NTSR1: variants seen among roughly 807,000 people sequenced by gnomAD.
The protein encoded by NTSR1 is neurotensin receptor 1.
In NTSR1, 29 loss-of-function variants were observed where a neutral mutation model predicts 31.2. The ratio of observed to expected loss-of-function variants is 0.93; its 90% CI spans 0.69 to 1.27. The LOEUF (loss-of-function observed/expected upper bound fraction) is 1.27. Ranked by LOEUF, NTSR1 falls within the 50% of genes most tolerant of loss-of-function variation. The probability of loss-of-function intolerance (pLI) is 0.00; values close to 1 mark genes in which losing one functional copy is unlikely to be tolerated. For synonymous variants in NTSR1, 282 were observed against 269.9 expected (o/e 1.04, Z -0.44); for missense variants, 697 against 595.4 (o/e 1.17, Z -1.78).
At position 62,758,451 on chromosome 20, in the gene NTSR1, AGG is replaced by A; in HGVS notation, c.1007+97_1007+98del. ...CAGGCACTGCTGAGGGGATCCACTC[AGG>A]GCAGGGGTGTGGTGAGTCCCCCGGC... On this transcript the variant is annotated intron_variant, in intron 3 of 3. Transcript: ENST00000370501. This position sits in a 1 kb window ranked among gnomAD's most constrained non-coding sequence, Gnocchi z 4.5. 2 of 1,160,502 alleles carry A rather than the reference AGG, an allele frequency of 1.7e-6. No individual in the cohort carries two copies. Among genetic ancestry groups the A allele is most frequent in the Non-Finnish European group, 2.5e-6 (2 of 791,280 alleles). 71.9% of individuals were successfully genotyped at this position (1,160,502 alleles called of 1,614,324 possible).
Position 62,719,966 on chromosome 20 carries a change from C to T in NTSR1, c.714+10045C>T, listed in dbSNP as rs572591717. Among the ~76,000 whole-genome samples, 57 of 152,248 alleles carry T rather than the reference C, an allele frequency of 3.7e-4. No homozygotes were observed. In the South Asian group the frequency reaches 6.6e-3, roughly 18 times the overall value. On this transcript the variant is annotated intron_variant, in intron 1 of 3. Transcript: ENST00000370501. Reference sequence around the variant, plus strand: ...TGGTAGATTGTCCAGCAAAACCATCCGGGCCTGGAGTTTTGTAGGAAGGTT... The same window carrying T: ...TGGTAGATTGTCCAGCAAAACCATCTGGGCCTGGAGTTTTGTAGGAAGGTT...
rs976838063 is a variant in NTSR1 at position 62,715,081 on chromosome 20, G to A, written c.714+5160G>A. 6.6e-6 allele frequency among the ~76,000 whole-genome samples: 1 copy of A among 152,206 alleles called. No homozygotes were observed. Among genetic ancestry groups the A allele is most frequent in the Non-Finnish European group, 1.5e-5 (1 of 68,046 alleles). Reference sequence around the variant, plus strand: ...TCTTAAGTCTGTAATCATGGAAAGTGAGTGTTGATGACATTTTTGGCATGT... The same window carrying A: ...TCTTAAGTCTGTAATCATGGAAAGTAAGTGTTGATGACATTTTTGGCATGT... On this transcript the variant is annotated intron_variant, in intron 1 of 3. Coordinates refer to ENST00000370501, the MANE Select transcript of NTSR1 (RefSeq NM_002531.3). The surrounding 1 kb of genome is among the most constrained non-coding windows in gnomAD (Gnocchi z 4.7).
intron 1 of NTSR1, among the ~76,000 whole-genome samples, chr20:62,746,908 CT>C (rs1297307932): frequency 6.6e-6 from 1 of 152,208 alleles, no homozygotes; most frequent in Non-Finnish European, 1.5e-5. Context: ...CACTTTCTAA[CT>C]CATCTTACAA....
chr20:62,756,630 C>G (rs891285556), intron 2 of NTSR1: 2 of 152,296 alleles, frequency 1.3e-5, no homozygotes, highest in African/African-American at 4.8e-5. Context: ...GGGCTTTGGA[C>G]ACGGAGCTCT....
chr20:62,757,746 A>AG (rs1717020050), intron 2 of NTSR1, among the ~76,000 whole-genome samples: 1 of 152,084 alleles, frequency 6.6e-6, no homozygotes, highest in Non-Finnish European at 1.5e-5. Context: ...CTGTGTCTCT[A>AG]AGCCCATGTC....
At chr20:62,740,652 G>A (rs978664331) in intron 1 of NTSR1, among the ~76,000 whole-genome samples, 3 of 152,224 alleles carry the variant, frequency 2.0e-5, no homozygotes, top group African/African-American at 2.4e-5. Context: ...ACAGGAGTGC[G>A]AGGCCCTACC....
At chr20:62,721,089 A>C (rs536470518) in intron 1 of NTSR1, among the ~76,000 whole-genome samples, 3 of 152,362 alleles carry the variant, frequency 2.0e-5, no homozygotes, top group African/African-American at 7.2e-5. Context: ...ACTTGAGCAG[A>C]ATGTGCTGTG....
Position 62,760,022 on chromosome 20 carries a change from C to T in NTSR1, c.1012C>T (p.Leu338Phe), listed in dbSNP as rs145258545. 1.2e-6 allele frequency: 2 copies of T among 1,613,870 alleles called. No individual in the cohort carries two copies. The highest frequency in any genetic ancestry group is 3.3e-5 in the Admixed American group (2 of 60,014). ...AGCGCCTCTCTCTCCCCGCAGGTTC[C>T]TCTATGACTTCTACCACTACTTCTA... ...YISDEQWTPF[L>F]YDFYHYFYMV... The change falls in exon 4 of 4, where the codon CTC becomes TTC. Residue 338 changes from leucine (L) to phenylalanine (F), a missense_variant. Transcript: ENST00000370501.
rs960031457 is a variant in NTSR1, at chr20:62,714,275, G to A, written c.714+4354G>A. 1.3e-5 allele frequency among the ~76,000 whole-genome samples: 2 copies of A among 152,176 alleles called. No homozygotes were observed. The highest frequency in any genetic ancestry group is 4.8e-5 in the African/African-American group (2 of 41,440). On this transcript the variant is annotated intron_variant, in intron 1 of 3. Transcript: ENST00000370501. This position sits in a 1 kb window ranked among gnomAD's most constrained non-coding sequence, Gnocchi z 4.1. ...AGGGCATAGAGGGCTGTTGGTGTGG[G>A]GCCAAGAGTCACACACTTCCTCCAG...
At chr20:62,754,520 A>G (rs1273878523) in intron 1 of NTSR1, among the ~76,000 whole-genome samples, 165 bp from the exon 2 acceptor site, 1 of 152,056 alleles carries the variant, frequency 6.6e-6, no homozygotes, top group Non-Finnish European at 1.5e-5. Context: ...AGGGGTGGCC[A>G]TGTCTTCCGG....
At position 62,714,820 on chromosome 20, in the gene NTSR1, G is replaced by A. The variant is rs1212261399; in HGVS notation, c.714+4899G>A. Among the ~76,000 whole-genome samples, 1 of 152,224 alleles carries A rather than the reference G, an allele frequency of 6.6e-6. No individual in the cohort carries two copies. Among genetic ancestry groups the A allele is most frequent in the Non-Finnish European group, 1.5e-5 (1 of 68,042 alleles). ...CGGACAAGTCAACCTGTCGCAGAAA[G>A]CCGGCACCAAAGCTGATCATTCTTC... On this transcript the variant is annotated intron_variant, in intron 1 of 3. Transcript: ENST00000370501. The surrounding 1 kb of genome is among the most constrained non-coding windows in gnomAD (Gnocchi z 4.1).
At chr20:62,759,541 G>A (rs1989572873) in intron 3 of NTSR1, among the ~76,000 whole-genome samples, 1 of 151,818 alleles carries the variant, frequency 6.6e-6, no homozygotes, top group Non-Finnish European at 1.5e-5. Flanking sequence ...TTGGGAGGCT[G>A]AGGTGGGTGG....
intron 1 of NTSR1, among the ~76,000 whole-genome samples, chr20:62,717,106 C>G (rs1988743483): frequency 6.6e-6 from 1 of 152,254 alleles, no homozygotes; most frequent in Non-Finnish European, 1.5e-5. Context: ...CTGCCCCACC[C>G]TGGTGCCCAC....
In NTSR1 at chr20:62,758,462, G is replaced by A. The variant is rs1989554571; in HGVS notation, c.1007+106G>A. On this transcript the variant is annotated intron_variant, in intron 3 of 3. Transcript: ENST00000370501. The surrounding 1 kb of genome is among the most constrained non-coding windows in gnomAD (Gnocchi z 4.5). ...GAGGGGATCCACTCAGGGCAGGGGTGTGGTGAGTCCCCCGGCGACCCCCTG... is the reference window on the plus strand; with the variant it reads ...GAGGGGATCCACTCAGGGCAGGGGTATGGTGAGTCCCCCGGCGACCCCCTG... 2 of 1,032,936 alleles carry A rather than the reference G, an allele frequency of 1.9e-6. No homozygotes were observed. The highest frequency in any genetic ancestry group is 1.5e-6 in the Non-Finnish European group (1 of 683,446). The allele number at this position is 1,032,936 out of a possible 1,614,324, so 64.0% of individuals were successfully genotyped here. A position where few individuals can be genotyped will look rare whatever the true frequency, so the allele number is the denominator to read the frequency against.
intron 1 of NTSR1, among the ~76,000 whole-genome samples, chr20:62,740,861 A>C (rs1989193111): frequency 6.6e-6 from 1 of 152,242 alleles, no homozygotes; most frequent in South Asian, 2.1e-4. Context: ...AACATGGCAG[A>C]GACCTGCAGC....
At chr20:62,746,254 A>T (rs1349692617) in intron 1 of NTSR1, among the ~76,000 whole-genome samples, 1 of 152,008 alleles carries the variant, frequency 6.6e-6, no homozygotes, top group African/African-American at 2.4e-5. Flanking sequence ...CTGCCAGGAG[A>T]GCTTAGGGTC....
At chr20:62,737,055 C>G (rs1182992898) in intron 1 of NTSR1, among the ~76,000 whole-genome samples, 1 of 152,246 alleles carries the variant, frequency 6.6e-6, no homozygotes. Context: ...TCAATTCAAC[C>G]TCTTTCCTTT....
chr20:62,748,386 A>C (rs1989339053), intron 1 of NTSR1, among the ~76,000 whole-genome samples: 1 of 152,060 alleles, frequency 6.6e-6, no homozygotes, highest in Non-Finnish European at 1.5e-5. Context: ...TGCAATCCCT[A>C]TCAAAATTTC....
rs773951219 is a variant in NTSR1, at chr20:62,758,757, C to T, written c.1007+401C>T. On this transcript the variant is annotated intron_variant, in intron 3 of 3. Coordinates refer to ENST00000370501, the MANE Select transcript of NTSR1 (RefSeq NM_002531.3). The surrounding 1 kb of genome is among the most constrained non-coding windows in gnomAD (Gnocchi z 4.5). ...CCTGGAGTTATACTCAGGGCTGTGACTTATCGCAGCAAGAGCACCAATACT... is the reference window on the plus strand; with the variant it reads ...CCTGGAGTTATACTCAGGGCTGTGATTTATCGCAGCAAGAGCACCAATACT... 2.6e-5 allele frequency among the ~76,000 whole-genome samples: 4 copies of T among 152,158 alleles called. No homozygotes were observed. The highest frequency in any genetic ancestry group is 5.9e-5 in the Non-Finnish European group (4 of 68,020).
Sources: gnomAD v4.1 joint callset for allele counts (sites outside exome capture counted in the v4.1 genomes callset) on GRCh38, gnomAD v4.1.1 for gene constraint, Gnocchi (gnomAD v3.1) non-coding constraint, MANE v1.5 for transcripts, NCBI Gene and HGNC (gene_info 2026-07-23, HGNC 2026-07-21) for gene names.